The following LMF1 variants were observed in gnomAD, a reference collection of about 807,000 sequenced individuals.
LMF1 encodes the protein transmembrane protein 112.
In LMF1, 68 loss-of-function variants were observed where a neutral mutation model predicts 60.6. The observed-to-expected ratio is 1.12, with a 90% confidence interval of 0.92 to 1.37. The LOEUF (loss-of-function observed/expected upper bound fraction) is 1.37. LMF1 is among the 40% of genes most tolerant of loss of function. The pLI is 0.00. For missense variants in LMF1, 948 were observed against 767.2 expected (o/e 1.24, Z -2.78); for synonymous variants, 418 against 324.7 (o/e 1.29, Z -3.09).
chr16:974,037 A>G (rs2073091587), upstream of LMF1, among the ~76,000 whole-genome samples: 1 of 152,030 alleles, frequency 6.6e-6, no homozygotes, highest in South Asian at 2.1e-4. Context: ...GTAAAATGAA[A>G]ACAAAAGACA....
At chr16:871,434 G>C in intron 6 of LMF1, 93 bp from the exon 7 acceptor site, 121 of 1,189,930 alleles carry the variant, frequency 1.0e-4, no homozygotes, top group Non-Finnish European at 1.4e-4. Flanking sequence ...GAGGGGGGAG[G>C]GAACCTGCAC....
At chr16:953,967 TCCTACATGTC>T (rs2072582863) in intron 2 of LMF1, among the ~76,000 whole-genome samples, 1 of 46,596 alleles carries the variant, frequency 2.1e-5, no homozygotes, top group Non-Finnish European at 4.4e-5. Flanking sequence ...CAAACCAGCC[TCCTACATGTC>T]CACACAGACA....
intron 2 of LMF1, among the ~76,000 whole-genome samples, chr16:936,343 G>C (rs1159248729): frequency 5.2e-5 from 6 of 114,620 alleles, no homozygotes; most frequent in South Asian, 3.5e-4. Context: ...AGGGGGCACC[G>C]TGTGGGCTGA....
At chr16:949,513 G>GACAGAGTCAGCCAACA (rs2072375740) in intron 2 of LMF1, among the ~76,000 whole-genome samples, 1 of 55,034 alleles carries the variant, frequency 1.8e-5, no homozygotes, top group Non-Finnish European at 3.3e-5. Flanking sequence ...TAGAGACAAT[G>GACAGAGTCAGCCAACA]ACAGAGTCAG....
Position 854,200 on chromosome 16 carries a change from AG to A in LMF1, c.*331del, listed in dbSNP as rs1567125726. The A allele has an allele frequency of 1.9e-6, 1 of 535,660 alleles. No individual in the cohort carries two copies. Among genetic ancestry groups the A allele is most frequent in the Non-Finnish European group, 3.6e-6 (1 of 280,090 alleles). 33.2% of individuals were successfully genotyped at this position (535,660 alleles called of 1,614,324 possible). A position where few individuals can be genotyped will look rare whatever the true frequency, so the allele number is the denominator to read the frequency against. On this transcript the variant is annotated 3_prime_UTR_variant, in exon 11 of 11. Coordinates refer to ENST00000262301, the MANE Select transcript of LMF1 (RefSeq NM_022773.4). ...CTATGGTCAGGGCTGTAGTGGAGGAAGGTGTCAGGATGGCCATTGTCTCAAC... is the reference window on the plus strand; with the variant it reads ...CTATGGTCAGGGCTGTAGTGGAGGAAGTGTCAGGATGGCCATTGTCTCAAC...
upstream of LMF1, among the ~76,000 whole-genome samples, chr16:972,794 G>C (rs558764130): frequency 6.6e-6 from 1 of 152,222 alleles, no homozygotes. Context: ...CCAGCGCTCC[G>C]GGCTCCGGCT....
chr16:924,344 T>C (rs2151771350), intron 3 of LMF1, among the ~76,000 whole-genome samples: 1 of 152,334 alleles, frequency 6.6e-6, no homozygotes, highest in South Asian at 2.1e-4. Context: ...TGAGAAGTGG[T>C]ACGGCAAGGG....
At chr16:938,763 C>G (rs995537625) in intron 2 of LMF1, among the ~76,000 whole-genome samples, 2 of 152,280 alleles carry the variant, frequency 1.3e-5, no homozygotes, top group East Asian at 3.9e-4. Flanking sequence ...GGACAGTGCT[C>G]CCATTACTGT....
At chr16:914,431 G>A (rs1016742676) in intron 3 of LMF1, among the ~76,000 whole-genome samples, 2 of 151,434 alleles carry the variant, frequency 1.3e-5, no homozygotes, top group Non-Finnish European at 2.9e-5. Flanking sequence ...ACGAGAGAAC[G>A]CACACCGCTG....
chr16:979,614 A>T (rs1330277251), intron 1 of LMF1: 1 of 453,776 alleles, frequency 2.2e-6, no homozygotes, highest in East Asian at 7.0e-5. Context: ...TGTCCCAGGG[A>T]CTTGAAGCTT....
chr16:938,720 CAGAT>C lies in LMF1; in HGVS notation c.504-4470_504-4467del, dbSNP rs2072011691. 2.0e-5 allele frequency among the ~76,000 whole-genome samples: 3 copies of C among 152,194 alleles called. No homozygotes were observed. The South Asian group carries it at 6.2e-4, about 32-fold the overall frequency. On this transcript the variant is annotated intron_variant, in intron 2 of 10. Coordinates refer to ENST00000262301, the MANE Select transcript of LMF1 (RefSeq NM_022773.4). ...CAAGTGCATGTGTGGCTCCCACGGA[CAGAT>C]GGATGGATGGACAGACGAAGGGATG...
chr16:935,579 A>AAAAAAAC (rs2071918016), intron 2 of LMF1, among the ~76,000 whole-genome samples: 3 of 152,108 alleles, frequency 2.0e-5, no homozygotes, highest in African/African-American at 7.2e-5. Context: ...GCTAAAAAAA[A>AAAAAAAC]AAAAACTCAT....
At chr16:980,968 G>A (rs1035814396) in intron 1 of LMF1, 4 of 151,686 alleles carry the variant, frequency 2.6e-5, no homozygotes, top group African/African-American at 9.7e-5. Context: ...CATCCGCCCG[G>A]CGGCCCCAGG....
At chr16:862,540 G>T (rs1257959608) in intron 10 of LMF1, among the ~76,000 whole-genome samples, 1 of 152,000 alleles carries the variant, frequency 6.6e-6, no homozygotes, top group African/African-American at 2.4e-5. Context: ...TGTGGTTTTG[G>T]TATCAGAGAA....
At chr16:859,063 G>A (rs368018068) in intron 10 of LMF1, among the ~76,000 whole-genome samples, 200 of 39,106 alleles carry the variant, frequency 5.1e-3, no homozygotes, top group East Asian at 0.012. Context: ...GGTGTGAGTG[G>A]TGTCACGGGA....
intron 3 of LMF1, 126 bp downstream of exon 3, chr16:934,118 T>A: frequency 6.4e-7 from 1 of 1,566,798 alleles, no homozygotes; most frequent in Non-Finnish European, 8.6e-7. Context: ...CTGCCCTCCG[T>A]GCATACTGGG....
intron 5 of LMF1, among the ~76,000 whole-genome samples, chr16:880,497 C>G (rs931583775): frequency 6.6e-6 from 1 of 152,226 alleles, no homozygotes; most frequent in Admixed American, 6.5e-5. Context: ...CTTATCAAGA[C>G]CCCATTTCTA....
At chr16:882,380 C>T (rs2070185320) in intron 5 of LMF1, among the ~76,000 whole-genome samples, 1 of 152,246 alleles carries the variant, frequency 6.6e-6, no homozygotes, top group South Asian at 2.1e-4. Flanking sequence ...AACTTTCAAG[C>T]TCAGTCCTTG....
At chr16:943,674 C>T (rs538335590) in intron 2 of LMF1, among the ~76,000 whole-genome samples, 1 of 141,196 alleles carries the variant, frequency 7.1e-6, no homozygotes, top group Non-Finnish European at 1.5e-5. Flanking sequence ...TTGAAGTGAG[C>T]CAAGATCTCA....
Sources: gnomAD v4.1 joint callset for allele counts (sites outside exome capture counted in the v4.1 genomes callset) on GRCh38, gnomAD v4.1.1 for gene constraint, MANE v1.5 for transcripts, NCBI Gene and HGNC (gene_info 2026-07-23, HGNC 2026-07-21) for gene names.